Variants in CSRP3 observed in about 807,000 individuals in gnomAD.
CSRP3 encodes the protein cysteine and glycine rich protein 3.
A neutral mutation model predicts 24.3 loss-of-function variants in CSRP3; 24 were observed. The observed-to-expected ratio is 0.99, with a 90% CI of 0.71 to 1.39. The LOEUF is 1.39. Among genes scored for constraint, CSRP3 ranks in the 40% most tolerant of loss-of-function variants. The pLI is 0.00. For synonymous variants in CSRP3, 105 were observed against 94.0 expected, an observed-to-expected ratio of 1.12 and a Z score of -0.68; for missense variants, 240 against 249.0, an observed-to-expected ratio of 0.96 and a Z score of 0.24.
At chr11:19,192,600 T>G (rs994426503) in intron 1 of CSRP3, 124 bp from the exon 2 acceptor site, 11 of 698,378 alleles carry the variant, frequency 1.6e-5, no homozygotes, top group Non-Finnish European at 2.6e-5. Flanking sequence ...CATTTATTCA[T>G]TCATTTAGCA....
intron 1 of CSRP3, among the ~76,000 whole-genome samples, chr11:19,201,454 G>A (rs1302380148): frequency 6.6e-6 from 1 of 152,144 alleles, no homozygotes; most frequent in Non-Finnish European, 1.5e-5. Flanking sequence ...ATCGCTTATC[G>A]CTTTGTATCT....
At chr11:19,193,459 G>A (rs1850647669) in intron 1 of CSRP3, among the ~76,000 whole-genome samples, 2 of 152,154 alleles carry the variant, frequency 1.3e-5, no homozygotes, top group African/African-American at 2.4e-5. Context: ...GACTGTCATT[G>A]TCTCCTCACC....
intron 1 of CSRP3, among the ~76,000 whole-genome samples, chr11:19,197,539 C>CTTTCTTTG: frequency 7.6e-6 from 1 of 131,740 alleles, no homozygotes; most frequent in Non-Finnish European, 1.6e-5. Flanking sequence ...TTCTTTCTTT[C>CTTTCTTTG]TTTCTTTCTT....
chr11:19,194,843 A>T (rs867457640), intron 1 of CSRP3, among the ~76,000 whole-genome samples: 1 of 152,164 alleles, frequency 6.6e-6, no homozygotes, highest in Non-Finnish European at 1.5e-5. Context: ...TTCACCCTGC[A>T]TTTACTACCT....
intron 1 of CSRP3, among the ~76,000 whole-genome samples, chr11:19,193,134 C>A (rs1315644359): frequency 6.6e-6 from 1 of 152,168 alleles, no homozygotes; most frequent in Non-Finnish European, 1.5e-5. Flanking sequence ...AATATAATCA[C>A]CTAGGCTATA....
intron 1 of CSRP3, among the ~76,000 whole-genome samples, chr11:19,201,082 A>G (rs1439476067): frequency 6.6e-6 from 1 of 152,110 alleles, no homozygotes; most frequent in African/African-American, 2.4e-5. Context: ...TTCCACTCAG[A>G]CCATTGCTTA....
chr11:19,191,591 G>A (rs190537619), intron 2 of CSRP3, among the ~76,000 whole-genome samples: 1 of 152,170 alleles, frequency 6.6e-6, no homozygotes, highest in African/African-American at 2.4e-5. Flanking sequence ...TAAAGGTAGA[G>A]GTTCATGTAT....
intron 2 of CSRP3, 87 bp from the exon 3 acceptor site, chr11:19,188,391 A>AGGGGC: frequency 6.8e-7 from 1 of 1,480,812 alleles, no homozygotes; most frequent in Non-Finnish European, 9.3e-7. Flanking sequence ...GGGGCCAGAG[A>AGGGGC]CCCAGCATGA....
chr11:19,197,940 T>G (rs542980139), intron 1 of CSRP3, among the ~76,000 whole-genome samples: 4 of 152,070 alleles, frequency 2.6e-5, no homozygotes, highest in Non-Finnish European at 5.9e-5. Flanking sequence ...ACAACAACCC[T>G]TCAAGGTAGG....
Position 19,195,022 on chromosome 11 carries a change from C to T in CSRP3, c.-28-2546G>A, listed in dbSNP as rs141107914. Among the ~76,000 whole-genome samples the T allele has an allele frequency of 6.9e-3, 1,051 of 152,096 alleles. 11 individuals carry two copies. The highest frequency in any genetic ancestry group is 0.023 in the African/African-American group (950 of 41,496). On this transcript the variant is annotated intron_variant, in intron 1 of 5. Coordinates refer to ENST00000265968, the MANE Select transcript of CSRP3 (RefSeq NM_003476.5). ...GAGAAGAGTCTTGTGAGACATGCTA[C>T]AGAAACTCAAATGACGGACTGGCTC... is the stretch of plus-strand genomic sequence containing the variant.
chr11:19,196,337 G>C (rs762247688), intron 1 of CSRP3, among the ~76,000 whole-genome samples: 7 of 152,126 alleles, frequency 4.6e-5, no homozygotes, highest in Non-Finnish European at 7.4e-5. Context: ...CCTTGAACTC[G>C]GGTAAAAAAT....
At chr11:19,198,494 G>T (rs1850780495) in intron 1 of CSRP3, among the ~76,000 whole-genome samples, 1 of 152,252 alleles carries the variant, frequency 6.6e-6, no homozygotes, top group South Asian at 2.1e-4. Flanking sequence ...TGGAACTGGA[G>T]ATTTCTTCTG....
At chr11:19,192,205 C>T in intron 2 of CSRP3, 132 bp downstream of exon 2, 1 of 725,480 alleles carries the variant, frequency 1.4e-6, no homozygotes, top group South Asian at 1.5e-5. Context: ...AACCAGTTCC[C>T]AGGTAATGCT....
intron 2 of CSRP3, 121 bp downstream of exon 2, chr11:19,192,216 G>A: frequency 1.3e-6 from 1 of 748,354 alleles, no homozygotes; most frequent in Non-Finnish European, 2.4e-6. Context: ...AGGTAATGCT[G>A]ATGCTGCTTG....
intron 1 of CSRP3, among the ~76,000 whole-genome samples, chr11:19,194,309 G>A (rs1210130933): frequency 1.3e-5 from 2 of 152,100 alleles, no homozygotes; most frequent in East Asian, 3.8e-4. Flanking sequence ...GGTTAGCCAG[G>A]AACATCCTAT....
chr11:19,187,119 G>A (rs1390946327), intron 3 of CSRP3, among the ~76,000 whole-genome samples: 4 of 152,158 alleles, frequency 2.6e-5, no homozygotes, highest in Non-Finnish European at 5.9e-5. Context: ...AGCATCACTA[G>A]GAAGCCCTAA....
intron 1 of CSRP3, among the ~76,000 whole-genome samples, chr11:19,195,043 G>A (rs1850675785): frequency 6.6e-6 from 1 of 152,032 alleles, no homozygotes; most frequent in African/African-American, 2.4e-5. Flanking sequence ...ATGACGGACT[G>A]GCTCCCCACA....
At chr11:19,193,268 C>G (rs1850644626) in intron 1 of CSRP3, among the ~76,000 whole-genome samples, 1 of 152,180 alleles carries the variant, frequency 6.6e-6, no homozygotes, top group African/African-American at 2.4e-5. Flanking sequence ...GTTTTCCCAC[C>G]TATACAGTTA....
chr11:19,196,529 C>G (rs1457886729), intron 1 of CSRP3, among the ~76,000 whole-genome samples: 3 of 152,152 alleles, frequency 2.0e-5, no homozygotes, highest in African/African-American at 7.2e-5. Context: ...TGAACATAAC[C>G]TTTTCAGCTT....
Sources: allele counts gnomAD v4.1 joint callset (sites outside exome capture counted in the v4.1 genomes callset), GRCh38; gene constraint gnomAD v4.1.1; transcripts MANE v1.5; gene names NCBI Gene and HGNC (gene_info 2026-07-23, HGNC 2026-07-21).